UNC5D: variants seen among roughly 807,000 people sequenced by gnomAD.
UNC5D encodes the protein netrin receptor UNC5D.
A neutral mutation model predicts 105.4 loss-of-function variants in UNC5D; 39 were observed. That is an observed-to-expected ratio of 0.37 (90% CI 0.29 to 0.48). The LOEUF is 0.48. Among genes scored for constraint, UNC5D ranks in the 20% least tolerant of loss-of-function variants. UNC5D has a pLI of 0.98. For synonymous variants in UNC5D, 452 were observed against 450.4 expected, an observed-to-expected ratio of 1.00 and a Z score of -0.04; for missense variants, 991 against 1,202.4, an observed-to-expected ratio of 0.82 and a Z score of 2.60.
intron 4 of UNC5D, among the ~76,000 whole-genome samples, chr8:35,665,344 G>A (rs1400574851): frequency 6.6e-6 from 1 of 152,066 alleles, no homozygotes; most frequent in Non-Finnish European, 1.5e-5. Context: ...AACTCCTTTG[G>A]TTCCTCCTTT....
At chr8:35,336,043 G>A (rs1286472154) in intron 1 of UNC5D, among the ~76,000 whole-genome samples, 3 of 152,048 alleles carry the variant, frequency 2.0e-5, no homozygotes, top group African/African-American at 7.2e-5. Flanking sequence ...GATTGCAGGC[G>A]TGAACCACCG....
At position 35,790,585 on chromosome 8, in the gene UNC5D, G is replaced by A; in HGVS notation, c.*22G>A. On this transcript the variant is annotated 3_prime_UTR_variant, in exon 17 of 17. Coordinates refer to ENST00000404895, the MANE Select transcript of UNC5D (RefSeq NM_080872.4). ...CTAGTCCACTTCCTCCCATGAGACA[G>A]AGTGATGGCCAGCTTGGGGACATTT... 6.2e-7 allele frequency: 1 copy of A among 1,612,974 alleles called. No homozygotes were observed. Among genetic ancestry groups the A allele is most frequent in the Non-Finnish European group, 8.5e-7 (1 of 1,179,484 alleles).
rs537213769 is a variant in UNC5D, at chr8:35,487,247, C to A, written c.104-62045C>A. 2.2e-3 allele frequency among the ~76,000 whole-genome samples: 325 copies of A among 145,900 alleles called. 4 individuals are homozygous for A. The highest frequency in any genetic ancestry group is 7.4e-3 in the African/African-American group (304 of 41,072). On this transcript the variant is annotated intron_variant, in intron 1 of 16. Transcript: ENST00000404895. Reference sequence around the variant, plus strand: ...TGTCAATATGGCTGGTACTCAGGGCCCAGCTATTTGGTCTGACATTATTCT... The same window carrying A: ...TGTCAATATGGCTGGTACTCAGGGCACAGCTATTTGGTCTGACATTATTCT...
chr8:35,421,233 A>G (rs1326258659), intron 1 of UNC5D, among the ~76,000 whole-genome samples: 1 of 152,194 alleles, frequency 6.6e-6, no homozygotes, highest in South Asian at 2.1e-4. Flanking sequence ...GAAGCCAAAC[A>G]TGACTTCTTG....
intron 7 of UNC5D, among the ~76,000 whole-genome samples, chr8:35,700,788 G>A (rs972729832): frequency 2.6e-5 from 4 of 152,138 alleles, no homozygotes; most frequent in African/African-American, 9.7e-5. Context: ...GGCCATAAAG[G>A]TAGGCAGAGC....
rs566688638 is a variant in UNC5D, at chr8:35,440,934, A to G, written c.104-108358A>G. 1.7e-4 allele frequency among the ~76,000 whole-genome samples: 26 copies of G among 152,080 alleles called. No homozygotes were observed. The South Asian group carries it at 5.0e-3, about 29-fold the overall frequency. The stretch of plus-strand genomic sequence containing the variant: ...ACTATACATGTTCTGAGAGGAGGGT[A>G]GGGACCAGACTGTATCTACTCTTTT... On this transcript the variant is annotated intron_variant, in intron 1 of 16. Transcript: ENST00000404895.
intron 16 of UNC5D, among the ~76,000 whole-genome samples, chr8:35,785,210 G>A (rs1330089989): frequency 1.3e-5 from 2 of 152,052 alleles, no homozygotes; most frequent in Admixed American, 6.6e-5. Flanking sequence ...AAGAGAAATG[G>A]GTCACGTAGA....
At chr8:35,429,507 A>C (rs1243973819) in intron 1 of UNC5D, among the ~76,000 whole-genome samples, 2 of 152,192 alleles carry the variant, frequency 1.3e-5, no homozygotes, top group Non-Finnish European at 2.9e-5. Context: ...ATAAGTATAC[A>C]AACTTGTTTT....
intron 4 of UNC5D, among the ~76,000 whole-genome samples, chr8:35,657,931 A>G (rs553318741): frequency 3.0e-4 from 45 of 152,346 alleles, no homozygotes; most frequent in African/African-American, 1.1e-3. Flanking sequence ...AATTTAAATG[A>G]AGCTTGGAAA....
At chr8:35,521,345 T>C (rs1346005816) in intron 1 of UNC5D, among the ~76,000 whole-genome samples, 2 of 152,134 alleles carry the variant, frequency 1.3e-5, no homozygotes, top group African/African-American at 2.4e-5. Flanking sequence ...ACCACTTAAA[T>C]GGCTCCCAGT....
intron 1 of UNC5D, among the ~76,000 whole-genome samples, chr8:35,518,788 A>G (rs1199480717): frequency 6.6e-6 from 1 of 152,192 alleles, no homozygotes; most frequent in Non-Finnish European, 1.5e-5. Context: ...GGTCAAAGGA[A>G]TTGGGTATCA....
At chr8:35,778,063 C>A (rs549795453) in intron 16 of UNC5D, among the ~76,000 whole-genome samples, 1 of 152,250 alleles carries the variant, frequency 6.6e-6, no homozygotes, top group South Asian at 2.1e-4. Context: ...TGTGAGGCTG[C>A]CATTTCCAAA....
intron 1 of UNC5D, among the ~76,000 whole-genome samples, chr8:35,313,198 A>G (rs2128879743): frequency 6.6e-6 from 1 of 152,348 alleles, no homozygotes; most frequent in South Asian, 2.1e-4. Flanking sequence ...GCAAGCTTAC[A>G]TAAATTGTAA....
At chr8:35,645,249 CT>C (rs1822978295) in intron 4 of UNC5D, among the ~76,000 whole-genome samples, 1 of 152,108 alleles carries the variant, frequency 6.6e-6, no homozygotes, top group Admixed American at 6.6e-5. Context: ...AGGGGAATTA[CT>C]TTCAAATGGG....
At chr8:35,332,017 G>A (rs941491090) in intron 1 of UNC5D, among the ~76,000 whole-genome samples, 5 of 152,124 alleles carry the variant, frequency 3.3e-5, no homozygotes, top group African/African-American at 1.2e-4. Flanking sequence ...CTAATATAAG[G>A]ATGCCTTACA....
chr8:35,392,780 G>A (rs1803857113), intron 1 of UNC5D, among the ~76,000 whole-genome samples: 1 of 152,174 alleles, frequency 6.6e-6, no homozygotes, highest in Admixed American at 6.6e-5. Context: ...CTATCATATG[G>A]AAGATGGATT....
intron 1 of UNC5D, among the ~76,000 whole-genome samples, chr8:35,448,266 C>T (rs928012681): frequency 6.6e-6 from 1 of 151,904 alleles, no homozygotes; most frequent in African/African-American, 2.4e-5. Flanking sequence ...TGCTAGTTAT[C>T]ATATTTTTAA....
chr8:35,516,792 T>C (rs929088328), intron 1 of UNC5D, among the ~76,000 whole-genome samples: 1 of 152,174 alleles, frequency 6.6e-6, no homozygotes, highest in Non-Finnish European at 1.5e-5. Context: ...TTCTGGGTAA[T>C]TGGCAGTGTC....
At chr8:35,569,600 C>T (rs974615579) in intron 3 of UNC5D, among the ~76,000 whole-genome samples, 21 of 152,176 alleles carry the variant, frequency 1.4e-4, no homozygotes, top group Admixed American at 1.4e-3. Flanking sequence ...AAGCCAGGCT[C>T]TTGGTGTGAG....
Sources: gnomAD v4.1 joint callset for allele counts (sites outside exome capture counted in the v4.1 genomes callset) on GRCh38, gnomAD v4.1.1 for gene constraint, MANE v1.5 for transcripts, NCBI Gene and HGNC (gene_info 2026-07-23, HGNC 2026-07-21) for gene names.